SSH2: variants seen among roughly 807,000 people sequenced by gnomAD.
SSH2 encodes protein phosphatase Slingshot homolog 2.
SSH2 carries 37 observed loss-of-function variants against 135.2 expected under a neutral mutation model. The ratio of observed to expected loss-of-function variants is 0.27; its 90% CI spans 0.21 to 0.36. The LOEUF (loss-of-function observed/expected upper bound fraction) is 0.36, where lower values mean the gene tolerates loss of function less well. Among genes scored for constraint, SSH2 ranks in the 10% least tolerant of loss-of-function variants. The pLI is 1.00. For synonymous variants in SSH2, 628 were observed against 646.2 expected, an observed-to-expected ratio of 0.97 and a Z score of 0.43; for missense variants, 1,408 against 1,765.3, an observed-to-expected ratio of 0.80 and a Z score of 3.63.
At chr17:29,723,008 G>A (rs2039873837) in intron 3 of SSH2, among the ~76,000 whole-genome samples, 2 of 152,180 alleles carry the variant, frequency 1.3e-5, no homozygotes, top group South Asian at 2.1e-4. Flanking sequence ...TTTGCCATCG[G>A]CAATGTCTAC....
intron 1 of SSH2, among the ~76,000 whole-genome samples, chr17:29,897,743 T>C (rs1020413599): frequency 5.3e-5 from 8 of 152,014 alleles, no homozygotes; most frequent in African/African-American, 1.9e-4. Context: ...AACAAGGATA[T>C]CCAGGAATTG....
At chr17:29,913,350 ATATATATATATATATATAT>A (rs2066814604) in intron 1 of SSH2, among the ~76,000 whole-genome samples, 4 of 30,876 alleles carry the variant, frequency 1.3e-4, no homozygotes, top group Admixed American at 4.8e-4. Flanking sequence ...AAAAAAAAAT[ATATATATATATATATATAT>A]ATATATATAT....
At chr17:29,731,694 G>C (rs1324333905) in intron 3 of SSH2, among the ~76,000 whole-genome samples, 2 of 152,096 alleles carry the variant, frequency 1.3e-5, no homozygotes, top group Non-Finnish European at 2.9e-5. Flanking sequence ...GGCCTCAACT[G>C]ATCTGTCCAC....
At chr17:29,686,037 G>A (rs1272303517) in intron 5 of SSH2, among the ~76,000 whole-genome samples, 7 of 151,622 alleles carry the variant, frequency 4.6e-5, no homozygotes, top group South Asian at 4.2e-4. Flanking sequence ...TATTAGAGAC[G>A]GGGTTTCTCC....
intron 2 of SSH2, among the ~76,000 whole-genome samples, chr17:29,846,174 G>A (rs984709489): frequency 1.3e-5 from 2 of 152,072 alleles, no homozygotes; most frequent in Non-Finnish European, 2.9e-5. Flanking sequence ...AAGTAGCTGG[G>A]ACTACAGGCA....
At chr17:29,812,920 A>C (rs1232374656) in intron 2 of SSH2, among the ~76,000 whole-genome samples, 1 of 151,846 alleles carries the variant, frequency 6.6e-6, no homozygotes, top group African/African-American at 2.4e-5. Flanking sequence ...CAAAAAACCA[A>C]CCATGCCATA....
intron 3 of SSH2, among the ~76,000 whole-genome samples, chr17:29,724,095 A>G (rs2039908631): frequency 6.6e-6 from 1 of 152,224 alleles, no homozygotes; most frequent in African/African-American, 2.4e-5. Context: ...GGTGACAGCA[A>G]AAGCTACAAC....
At chr17:29,761,834 CACAT>C (rs1485235326) in intron 3 of SSH2, among the ~76,000 whole-genome samples, 1 of 139,650 alleles carries the variant, frequency 7.2e-6, no homozygotes, top group Non-Finnish European at 1.5e-5. Context: ...AGATTACACT[CACAT>C]ACATATGTGT....
chr17:29,829,839 T>C (rs2042811181), intron 2 of SSH2, among the ~76,000 whole-genome samples: 1 of 114,206 alleles, frequency 8.8e-6, no homozygotes, highest in South Asian at 2.3e-4. Context: ...AGATCAAGAT[T>C]TTTTTTTTTT....
At chr17:29,821,300 C>T (rs1452090802) in intron 2 of SSH2, among the ~76,000 whole-genome samples, 2 of 151,832 alleles carry the variant, frequency 1.3e-5, no homozygotes, top group Non-Finnish European at 2.9e-5. Context: ...CACTCTGTTG[C>T]CCAGGCTGGA....
intron 3 of SSH2, among the ~76,000 whole-genome samples, chr17:29,746,063 G>C (rs1005858607): frequency 1.3e-5 from 2 of 152,150 alleles, no homozygotes; most frequent in African/African-American, 4.8e-5. Context: ...ATTGAGGAGG[G>C]AAGGGCATCA....
At chr17:29,738,700 C>A (rs2040456409) in intron 3 of SSH2, among the ~76,000 whole-genome samples, 1 of 151,928 alleles carries the variant, frequency 6.6e-6, no homozygotes, top group Non-Finnish European at 1.5e-5. Context: ...ACTACAGGTG[C>A]CCGCCACCAT....
chr17:29,896,940 A>G (rs565751584), intron 1 of SSH2, among the ~76,000 whole-genome samples: 2 of 151,990 alleles, frequency 1.3e-5, no homozygotes, highest in East Asian at 1.9e-4. Context: ...ATGAACAAGA[A>G]AGGTTCCTGA....
rs1267718706 is a variant in SSH2 at position 29,781,479 on chromosome 17, T to TA, written c.188+12414_188+12415insT. ...TGCCCTAATCCTGTGTTTTCTTTTT[T>TA]TTTTTTTTTTTTTTTTTTGAGATGG... is the stretch of plus-strand genomic sequence containing the variant. On this transcript the variant is annotated intron_variant, in intron 3 of 15. Transcript: ENST00000540801. Among the ~76,000 whole-genome samples, 153 of 137,978 alleles carry TA rather than the reference T, an allele frequency of 1.1e-3. 1 individual carries two copies. Among genetic ancestry groups the TA allele is most frequent in the Non-Finnish European group, 2.0e-3 (131 of 64,262 alleles). 90.5% of individuals were successfully genotyped at this position (137,978 alleles called of 152,430 possible). A position where few individuals can be genotyped will look rare whatever the true frequency, so the allele number is the denominator to read the frequency against.
At chr17:29,665,735 T>A (rs1445337840) in intron 11 of SSH2, among the ~76,000 whole-genome samples, 2 of 152,232 alleles carry the variant, frequency 1.3e-5, no homozygotes, top group African/African-American at 4.8e-5. Flanking sequence ...AATGTACAGA[T>A]AAGAACTAAA....
At chr17:29,725,613 C>G (rs574647288) in intron 3 of SSH2, among the ~76,000 whole-genome samples, 41 of 152,142 alleles carry the variant, frequency 2.7e-4, no homozygotes, top group Non-Finnish European at 5.4e-4. Context: ...ATGGATGAAG[C>G]TGGAAAACAT....
At chr17:29,797,062 G>A (rs1567980369) in intron 2 of SSH2, among the ~76,000 whole-genome samples, 1 of 151,054 alleles carries the variant, frequency 6.6e-6, no homozygotes, top group African/African-American at 2.4e-5. Context: ...GGTCTCAAGT[G>A]ATCTTCCTGC....
At chr17:29,911,405 C>A (rs561460756) in intron 1 of SSH2, among the ~76,000 whole-genome samples, 153 of 152,200 alleles carry the variant, frequency 1.0e-3, no homozygotes, top group South Asian at 3.9e-3. Context: ...GCCCTATATG[C>A]TCACTTTAGA....
intron 1 of SSH2, among the ~76,000 whole-genome samples, chr17:29,881,856 C>T (rs955546256): frequency 5.3e-5 from 8 of 152,094 alleles, no homozygotes; most frequent in Admixed American, 1.3e-4. Flanking sequence ...GAAAAGTACA[C>T]GTGGGAGATG....
Sources: allele counts gnomAD v4.1 joint callset (sites outside exome capture counted in the v4.1 genomes callset), GRCh38; gene constraint gnomAD v4.1.1; transcripts MANE v1.5; gene names NCBI Gene and HGNC (gene_info 2026-07-23, HGNC 2026-07-21).